The following PCBP3 variants were observed in gnomAD, a reference collection of about 807,000 sequenced individuals.
The protein encoded by PCBP3 is poly(rC)-binding protein 3.
In PCBP3, 25 loss-of-function variants were observed where a neutral mutation model predicts 52.7. The observed-to-expected ratio is 0.47, with a 90% CI of 0.35 to 0.66. The LOEUF (loss-of-function observed/expected upper bound fraction) is 0.66, where lower values mean the gene tolerates loss of function less well. Ranked by LOEUF, PCBP3 falls within the 30% of genes least tolerant of loss-of-function variation. The pLI, the probability that PCBP3 is intolerant of heterozygous loss-of-function variation, is 0.01. For synonymous variants in PCBP3, 162 were observed against 183.0 expected, an observed-to-expected ratio of 0.89 and a Z score of 0.93; for missense variants, 391 against 490.3, an observed-to-expected ratio of 0.80 and a Z score of 1.91.
At chr21:45,687,722 G>A (rs186646879) in intron 2 of PCBP3, among the ~76,000 whole-genome samples, 4 of 151,520 alleles carry the variant, frequency 2.6e-5, no homozygotes, top group Admixed American at 2.6e-4. Flanking sequence ...CGGAGATAAA[G>A]ACATTTCTTT....
In PCBP3 at chr21:45,940,233, C is replaced by A. The variant is rs374835972; in HGVS notation, c.1079+34C>A. 1.6e-5 allele frequency: 25 copies of A among 1,574,578 alleles called. No homozygotes were observed. The South Asian group carries it at 2.5e-4, about 16-fold the overall frequency. ...CTCCCAAGGGTCTCTGAGAGACGCC[C>A]GGAAAGGGACGCGCCAGCCGGCGTT... On this transcript the variant is annotated intron_variant, in intron 17 of 17. Coordinates refer to ENST00000681687, the MANE Select transcript of PCBP3 (RefSeq NM_001384156.1).
In PCBP3 at chr21:45,671,015, A is replaced by T. The variant is rs373177293; in HGVS notation, c.-200+2063A>T. Reference sequence around the variant, plus strand: ...CATGGAGAAGGCACACATGCTTCTCAGCCATGTTGGCCCAAAAGTGACGAG... The same window carrying T: ...CATGGAGAAGGCACACATGCTTCTCTGCCATGTTGGCCCAAAAGTGACGAG... On this transcript the variant is annotated intron_variant, in intron 2 of 17. Transcript: ENST00000681687. 7.2e-5 allele frequency among the ~76,000 whole-genome samples: 11 copies of T among 152,298 alleles called. No individual in the cohort carries two copies. In the East Asian group the frequency reaches 2.1e-3, roughly 29 times the overall value.
Position 45,894,902 on chromosome 21 carries a change from A to G in PCBP3, c.11-1306A>G, listed in dbSNP as rs139731679. On this transcript the variant is annotated intron_variant, in intron 5 of 17. Transcript: ENST00000681687. ...TCATTTTATTACAAATAATAATGTAATAAAATTACAAATTAATACAAATAC... is the reference window on the plus strand; with the variant it reads ...TCATTTTATTACAAATAATAATGTAGTAAAATTACAAATTAATACAAATAC... Among the ~76,000 whole-genome samples the G allele has an allele frequency of 4.6e-3, 708 of 152,376 alleles. 7 individuals are homozygous for G. Among genetic ancestry groups the G allele is most frequent in the African/African-American group, 0.016 (671 of 41,582 alleles).
intron 16 of PCBP3, among the ~76,000 whole-genome samples, chr21:45,939,477 C>T (rs1252516777): frequency 2.0e-5 from 3 of 152,250 alleles, no homozygotes; most frequent in Admixed American, 1.3e-4. Context: ...AAGGAGGCAC[C>T]CGAATGGCCT....
chr21:45,667,165 CATTT>C (rs1278304092), intron 1 of PCBP3, among the ~76,000 whole-genome samples: 2 of 147,752 alleles, frequency 1.4e-5, no homozygotes, highest in Admixed American at 6.8e-5. Flanking sequence ...CTCATTCATT[CATTT>C]ATTCATTCAT....
chr21:45,908,503 G>A (rs140753532), intron 9 of PCBP3, among the ~76,000 whole-genome samples: 2 of 152,318 alleles, frequency 1.3e-5, no homozygotes, highest in African/African-American at 2.4e-5. Flanking sequence ...GGCACTTTTC[G>A]TGGAGAGCAA....
At chr21:45,743,564 C>G (rs1309404504) in intron 3 of PCBP3, among the ~76,000 whole-genome samples, 2 of 152,112 alleles carry the variant, frequency 1.3e-5, no homozygotes, top group Non-Finnish European at 2.9e-5. Flanking sequence ...CCCGTTAGGC[C>G]ATAGCTCTTC....
intron 6 of PCBP3, among the ~76,000 whole-genome samples, chr21:45,898,664 A>C (rs377445916): frequency 5.9e-5 from 3 of 51,028 alleles, no homozygotes; most frequent in African/African-American, 1.6e-4. Flanking sequence ...CACCGTCCTC[A>C]CAGCCTCCCT....
intron 2 of PCBP3, among the ~76,000 whole-genome samples, chr21:45,684,288 G>A (rs1175922956): frequency 1.3e-5 from 2 of 152,162 alleles, no homozygotes; most frequent in Non-Finnish European, 2.9e-5. Context: ...GTTAAATCAA[G>A]AGGGTATTAA....
At chr21:45,815,149 GAGTGAGTGGTGAGT>G (rs1444956681) in intron 4 of PCBP3, among the ~76,000 whole-genome samples, 1 of 81,328 alleles carries the variant, frequency 1.2e-5, no homozygotes, top group Non-Finnish European at 2.4e-5. Flanking sequence ...GGTGAGTGGT[GAGTGAGTGGTGAGT>G]AGTGAGTGGT....
At chr21:45,815,831 A>G (rs1470407108) in intron 4 of PCBP3, among the ~76,000 whole-genome samples, 3 of 75,190 alleles carry the variant, frequency 4.0e-5, no homozygotes, top group Non-Finnish European at 7.7e-5. Context: ...GTGAGTGGTG[A>G]GTGAGTGGTG....
chr21:45,669,190 C>G (rs543868492), intron 2 of PCBP3, among the ~76,000 whole-genome samples: 3 of 152,182 alleles, frequency 2.0e-5, no homozygotes, highest in South Asian at 2.1e-4. Flanking sequence ...TTCTCATGCT[C>G]TCTCTTATAT....
chr21:45,681,319 T>C (rs1237097862), intron 2 of PCBP3, among the ~76,000 whole-genome samples: 1 of 152,244 alleles, frequency 6.6e-6, no homozygotes, highest in Non-Finnish European at 1.5e-5. Flanking sequence ...GATTACTTGA[T>C]TTTTCTTCTT....
chr21:45,755,212 A>G (rs538087240), intron 3 of PCBP3, among the ~76,000 whole-genome samples: 1 of 152,022 alleles, frequency 6.6e-6, no homozygotes, highest in South Asian at 2.1e-4. Context: ...TGACATTTTG[A>G]CTCTGCTTTA....
chr21:45,899,825 T>G (rs1434850263), intron 7 of PCBP3, among the ~76,000 whole-genome samples: 1 of 152,156 alleles, frequency 6.6e-6, no homozygotes, highest in Non-Finnish European at 1.5e-5. Context: ...CTGCGTGGCC[T>G]GAGGGGAAGG....
intron 2 of PCBP3, among the ~76,000 whole-genome samples, chr21:45,673,251 C>T (rs764824346): frequency 1.3e-5 from 2 of 152,130 alleles, no homozygotes; most frequent in Non-Finnish European, 2.9e-5. Flanking sequence ...TTTCTACTTC[C>T]CTCCGCCTCT....
chr21:45,831,159 C>T (rs1008405930), intron 4 of PCBP3: 1 of 152,386 alleles, frequency 6.6e-6, no homozygotes, highest in African/African-American at 2.4e-5. Flanking sequence ...ATCACAGGCT[C>T]ACTGAGGTGT....
intron 4 of PCBP3, among the ~76,000 whole-genome samples, chr21:45,804,248 C>G (rs2092416628): frequency 6.6e-6 from 1 of 152,166 alleles, no homozygotes; most frequent in African/African-American, 2.4e-5. Flanking sequence ...TCACAGTACT[C>G]CTTTGGAGGG....
At chr21:45,747,546 G>A (rs559114897) in intron 3 of PCBP3, among the ~76,000 whole-genome samples, 21 of 152,336 alleles carry the variant, frequency 1.4e-4, no homozygotes, top group African/African-American at 2.9e-4. Context: ...CAGGGCCTGC[G>A]GGGATGGGCA....
Sources: gnomAD v4.1 joint callset for allele counts (sites outside exome capture counted in the v4.1 genomes callset) on GRCh38, gnomAD v4.1.1 for gene constraint, MANE v1.5 for transcripts, NCBI Gene and HGNC (gene_info 2026-07-23, HGNC 2026-07-21) for gene names.